Variants in SYTL2 observed in about 807,000 individuals in gnomAD.
The protein encoded by SYTL2 is synaptotagmin like 2.
A neutral mutation model predicts 198.7 loss-of-function variants in SYTL2; 165 were observed. The observed-to-expected ratio is 0.83, with a 90% CI of 0.73 to 0.94. SYTL2 has a LOEUF of 0.94. SYTL2 is among the 40% of genes least tolerant of loss of function. The probability of loss-of-function intolerance (pLI) is 0.00; values close to 1 mark genes in which losing one functional copy is unlikely to be tolerated. For synonymous variants in SYTL2, 966 were observed against 917.7 expected (o/e 1.05, Z -0.95); for missense variants, 2,835 against 2,582.8 (o/e 1.10, Z -2.12).
chr11:85,768,077 T>A (rs80256992), intron 1 of SYTL2, among the ~76,000 whole-genome samples: 1 of 152,156 alleles, frequency 6.6e-6, no homozygotes, highest in East Asian at 1.9e-4. Flanking sequence ...AGCACTTGCA[T>A]GACCTTGTCT....
intron 1 of SYTL2, among the ~76,000 whole-genome samples, chr11:85,798,782 G>A (rs2092841034): frequency 6.6e-6 from 1 of 152,152 alleles, no homozygotes; most frequent in African/African-American, 2.4e-5. Flanking sequence ...GAGATTCAGT[G>A]CCCAGAGTTT....
chr11:85,773,577 T>A (rs2153583259), intron 1 of SYTL2, among the ~76,000 whole-genome samples: 1 of 152,216 alleles, frequency 6.6e-6, no homozygotes, highest in South Asian at 2.1e-4. Context: ...CCGTCTCCTT[T>A]ATCAGCCTGA....
chr11:85,818,210 C>A, the SYTL2 span, among the ~76,000 whole-genome samples: 7 of 152,016 alleles, frequency 4.6e-5, no homozygotes, highest in Admixed American at 1.3e-4. Flanking sequence ...GCCAGAGGAA[C>A]CTTGATTAAC....
chr11:85,764,743 G>A (rs1362495558), intron 1 of SYTL2, among the ~76,000 whole-genome samples: 2 of 152,126 alleles, frequency 1.3e-5, no homozygotes, highest in African/African-American at 4.8e-5. Context: ...TTTGGTTTAT[G>A]GATAGACATG....
At chr11:85,792,048 A>G (rs2092738244) in intron 1 of SYTL2, among the ~76,000 whole-genome samples, 1 of 152,134 alleles carries the variant, frequency 6.6e-6, no homozygotes, top group Admixed American at 6.5e-5. Flanking sequence ...ATTACTACAT[A>G]CAAAATTTGG....
chr11:85,725,344 A>C lies in SYTL2; in HGVS notation c.4014T>G (p.His1338Gln), dbSNP rs2088986877. Residue 1338 changes from histidine (H) to glutamine (Q), a missense_variant, in exon 8 of 20, where the codon CAT becomes CAG. His to Gln is a conservative substitution (Grantham distance 24). Transcript: ENST00000359152. Reference protein sequence around the residue: ...PQDMLFPQDAHLVPQARVHPS... With the variant: ...PQDMLFPQDAQLVPQARVHPS... The stretch of plus-strand genomic sequence containing the variant: ...GGTGTACCCTAGCCTGGGGAACAAG[A>C]TGAGCATCCTGGGGAAAAAGCATAT... 6.2e-7 allele frequency: 1 copy of C among 1,613,898 alleles called. No homozygotes were observed.
the SYTL2 span, among the ~76,000 whole-genome samples, chr11:85,832,087 T>A: frequency 6.6e-6 from 1 of 152,072 alleles, no homozygotes; most frequent in Admixed American, 6.6e-5. Context: ...GCTACAGGAG[T>A]ATGCTGAAAT....
intron 1 of SYTL2, among the ~76,000 whole-genome samples, chr11:85,764,087 C>T (rs1453070880): frequency 5.9e-5 from 9 of 152,250 alleles, no homozygotes; most frequent in Admixed American, 5.9e-4. Context: ...GTTGGACTTG[C>T]CCCTAAGTTC....
intron 1 of SYTL2, among the ~76,000 whole-genome samples, chr11:85,776,491 C>T (rs181278384): frequency 2.6e-5 from 4 of 152,116 alleles, no homozygotes; most frequent in African/African-American, 7.2e-5. Context: ...TGAGTGAGAA[C>T]GTGTGGTGTT....
chr11:85,715,886 G>A (rs894517976), intron 11 of SYTL2, among the ~76,000 whole-genome samples: 1 of 152,180 alleles, frequency 6.6e-6, no homozygotes, highest in Non-Finnish European at 1.5e-5. Context: ...ATGATGCTAT[G>A]AAGGTCAAAT....
intron 13 of SYTL2, among the ~76,000 whole-genome samples, chr11:85,710,036 CA>C (rs1265748303): frequency 6.6e-6 from 1 of 152,152 alleles, no homozygotes; most frequent in Non-Finnish European, 1.5e-5. Flanking sequence ...AAGTGAAATG[CA>C]ATGTTATTTA....
intron 16 of SYTL2, among the ~76,000 whole-genome samples, chr11:85,701,500 C>G (rs1015914037): frequency 1.3e-5 from 2 of 152,126 alleles, no homozygotes; most frequent in Non-Finnish European, 2.9e-5. Context: ...TAGTTTTTTA[C>G]TTTCAAATTC....
chr11:85,720,826 G>A, intron 9 of SYTL2, 32 bp downstream of exon 9: 1 of 1,474,518 alleles, frequency 6.8e-7, no homozygotes, highest in Non-Finnish European at 9.5e-7. Flanking sequence ...GCTTAGATGG[G>A]GCATGAACAG....
At chr11:85,777,886 T>A (rs1218912595) in intron 1 of SYTL2, among the ~76,000 whole-genome samples, 1 of 132,892 alleles carries the variant, frequency 7.5e-6, no homozygotes, top group African/African-American at 2.8e-5. Context: ...AATGGCATAA[T>A]CTCGGCTCAC....
chr11:85,701,835 G>C (rs2084342775), intron 16 of SYTL2, among the ~76,000 whole-genome samples: 1 of 152,180 alleles, frequency 6.6e-6, no homozygotes, highest in African/African-American at 2.4e-5. Context: ...ATATCAGTTT[G>C]AAAGTGCTAA....
chr11:85,724,148 G>C lies in SYTL2; in HGVS notation c.5210C>G (p.Thr1737Ser), dbSNP rs376767493. Residue 1737 changes from threonine to serine, a missense_variant, in exon 8 of 20, where the codon ACT becomes AGT. By Grantham distance (58) the Thr-to-Ser change is moderately conservative. Transcript: ENST00000359152. ...TTGTTTCATATATGGCGATGCTAGA[G>C]TCAATTCAACTTTACTTGTTTTTGT... is the stretch of plus-strand genomic sequence containing the variant. ...NSTKTSKVEL[T>S]LASPYMKQEK... 6 of 1,603,530 alleles carry C rather than the reference G, an allele frequency of 3.7e-6. No homozygotes were observed. Among genetic ancestry groups the C allele is most frequent in the Non-Finnish European group, 4.2e-6 (5 of 1,177,536 alleles).
At chr11:85,833,113 A>T in the SYTL2 span, among the ~76,000 whole-genome samples, 1 of 91,304 alleles carries the variant, frequency 1.1e-5, no homozygotes, top group Admixed American at 1.1e-4. Flanking sequence ...GAAGGAAGGA[A>T]GGAAGGAAGG....
chr11:85,810,070 G>T (rs1055561534), intron 1 of SYTL2, among the ~76,000 whole-genome samples: 1 of 152,134 alleles, frequency 6.6e-6, no homozygotes, highest in African/African-American at 2.4e-5. Flanking sequence ...ACCTTCCAGG[G>T]TCTATCTGTC....
chr11:85,840,418 T>A, the SYTL2 span, among the ~76,000 whole-genome samples: 2 of 152,288 alleles, frequency 1.3e-5, no homozygotes, highest in African/African-American at 4.8e-5. Flanking sequence ...TTTCATAGTT[T>A]GAGGGCTTGC....
Sources: gnomAD v4.1 joint callset for allele counts (sites outside exome capture counted in the v4.1 genomes callset) on GRCh38, gnomAD v4.1.1 for gene constraint, MANE v1.5 for transcripts, NCBI Gene and HGNC (gene_info 2026-07-23, HGNC 2026-07-21) for gene names.